KCNQ3: variants seen among roughly 807,000 people sequenced by gnomAD.
KCNQ3 encodes potassium voltage-gated channel subfamily Q member 3, also known as potassium voltage-gated channel subfamily KQT member 3.
Under a neutral mutation model 92.5 loss-of-function variants are expected in KCNQ3, and 30 were observed. The observed-to-expected ratio is 0.32, with a 90% confidence interval of 0.24 to 0.44. The LOEUF (loss-of-function observed/expected upper bound fraction) is 0.44, where lower values mean the gene tolerates loss of function less well. KCNQ3 is among the 20% of genes least tolerant of loss of function. The probability of loss-of-function intolerance (pLI) is 1.00; values close to 1 mark genes in which losing one functional copy is unlikely to be tolerated. For synonymous variants in KCNQ3, 450 were observed against 468.8 expected, an observed-to-expected ratio of 0.96 and a Z score of 0.52; for missense variants, 913 against 1,140.3, an observed-to-expected ratio of 0.80 and a Z score of 2.87.
At chr8:132,195,555 T>C (rs1765264754) in intron 1 of KCNQ3, among the ~76,000 whole-genome samples, 1 of 152,198 alleles carries the variant, frequency 6.6e-6, no homozygotes, top group African/African-American at 2.4e-5. Context: ...CCCTTCACCA[T>C]GTAGTCATCG....
At chr8:132,135,555 C>A (rs1322105053) in intron 12 of KCNQ3, among the ~76,000 whole-genome samples, 1 of 152,134 alleles carries the variant, frequency 6.6e-6, no homozygotes, top group Non-Finnish European at 1.5e-5. Context: ...TGTTCACCCT[C>A]CAGCCACAAA....
At chr8:132,255,809 C>T (rs1815565365) in intron 1 of KCNQ3, among the ~76,000 whole-genome samples, 2 of 152,184 alleles carry the variant, frequency 1.3e-5, no homozygotes. Context: ...AAAAGGAATA[C>T]AGACCTTACA....
At chr8:132,156,089 G>A (rs549793274) in intron 9 of KCNQ3, among the ~76,000 whole-genome samples, 2 of 152,002 alleles carry the variant, frequency 1.3e-5, no homozygotes, top group East Asian at 1.9e-4. Flanking sequence ...TGTGGAGAGC[G>A]ACATATTATT....
intron 1 of KCNQ3, among the ~76,000 whole-genome samples, chr8:132,443,646 C>T (rs1563914281): frequency 6.6e-6 from 1 of 152,178 alleles, no homozygotes; most frequent in Non-Finnish European, 1.5e-5. Flanking sequence ...TTTCGAAAAG[C>T]TTCATCTCAT....
intron 1 of KCNQ3, among the ~76,000 whole-genome samples, chr8:132,473,971 T>G (rs575086902): frequency 6.6e-6 from 1 of 152,318 alleles, no homozygotes; most frequent in East Asian, 1.9e-4. Flanking sequence ...TACCTCAGAA[T>G]GCAGTCAGTG....
chr8:132,407,689 C>A (rs981115285), intron 1 of KCNQ3, among the ~76,000 whole-genome samples: 2 of 152,226 alleles, frequency 1.3e-5, no homozygotes, highest in Admixed American at 1.3e-4. Context: ...ACCATCACTA[C>A]AGTATTTGGC....
intron 1 of KCNQ3, among the ~76,000 whole-genome samples, chr8:132,446,664 T>C (rs76692037): frequency 0.019 from 2,830 of 152,290 alleles, 96 homozygotes; most frequent in African/African-American, 0.065. Context: ...CATAGTTAAC[T>C]CCAGGTAATT....
At chr8:132,288,428 A>G (rs1008854087) in intron 1 of KCNQ3, among the ~76,000 whole-genome samples, 2 of 152,178 alleles carry the variant, frequency 1.3e-5, no homozygotes, top group African/African-American at 4.8e-5. Flanking sequence ...AACTTCTTCT[A>G]TATAAACATG....
At chr8:132,190,608 T>C (rs1267001731) in intron 1 of KCNQ3, among the ~76,000 whole-genome samples, 2 of 152,130 alleles carry the variant, frequency 1.3e-5, no homozygotes, top group Non-Finnish European at 2.9e-5. Flanking sequence ...TCAACAATCA[T>C]GGGATATTGG....
intron 1 of KCNQ3, among the ~76,000 whole-genome samples, chr8:132,441,314 G>A (rs1254066934): frequency 6.6e-6 from 1 of 152,218 alleles, no homozygotes; most frequent in African/African-American, 2.4e-5. Context: ...ACTTTGGGAG[G>A]CCAAGGCAGG....
intron 1 of KCNQ3, among the ~76,000 whole-genome samples, chr8:132,366,737 C>T (rs567098501): frequency 1.3e-5 from 2 of 152,248 alleles, no homozygotes; most frequent in African/African-American, 4.8e-5. Flanking sequence ...TGCTTGTTCT[C>T]TTTATATCAA....
intron 9 of KCNQ3, among the ~76,000 whole-genome samples, chr8:132,142,550 T>C (rs1158011196): frequency 6.6e-6 from 1 of 152,178 alleles, no homozygotes; most frequent in Non-Finnish European, 1.5e-5. Context: ...AAAGTCCTTT[T>C]TTGTGGTACT....
chr8:132,198,676 G>A lies in KCNQ3; in HGVS notation c.387-12495C>T, dbSNP rs191620169. The stretch of plus-strand genomic sequence containing the variant: ...ACAAAAATTAGCTGGGCATGGTGGC[G>A]GGTGCCTGCAATCCCAGCTACTTGG... On this transcript the variant is annotated intron_variant, in intron 1 of 14. Coordinates refer to ENST00000388996, the MANE Select transcript of KCNQ3 (RefSeq NM_004519.4). Among the ~76,000 whole-genome samples, 512 of 152,086 alleles carry A rather than the reference G, an allele frequency of 3.4e-3. 1 individual carries two copies. The highest frequency in any genetic ancestry group is 0.012 in the African/African-American group (485 of 41,492).
At chr8:132,372,884 G>C (rs921650542) in intron 1 of KCNQ3, among the ~76,000 whole-genome samples, 4 of 152,092 alleles carry the variant, frequency 2.6e-5, no homozygotes, top group African/African-American at 9.7e-5. Flanking sequence ...AGGCAGAAAG[G>C]CATGCAAACT....
chr8:132,431,289 A>C (rs1201616274), intron 1 of KCNQ3, among the ~76,000 whole-genome samples: 1 of 152,124 alleles, frequency 6.6e-6, no homozygotes, highest in Non-Finnish European at 1.5e-5. Flanking sequence ...GCTGCTACTC[A>C]CATCAGAATC....
chr8:132,282,564 A>G (rs1816557050), intron 1 of KCNQ3, among the ~76,000 whole-genome samples: 1 of 151,654 alleles, frequency 6.6e-6, no homozygotes, highest in Admixed American at 6.6e-5. Flanking sequence ...CCCTGGAACC[A>G]TCTTTTTGTG....
chr8:132,268,715 C>T (rs1816063856), intron 1 of KCNQ3, among the ~76,000 whole-genome samples: 1 of 152,220 alleles, frequency 6.6e-6, no homozygotes, highest in African/African-American at 2.4e-5. Flanking sequence ...TTTGTGTGAA[C>T]ATCAGTATTC....
chr8:132,384,946 T>G (rs565493081), intron 1 of KCNQ3, among the ~76,000 whole-genome samples: 1 of 152,222 alleles, frequency 6.6e-6, no homozygotes, highest in Admixed American at 6.5e-5. Context: ...CAGGTTGCAG[T>G]AGATGCTGTG....
chr8:132,421,189 A>G (rs1436575844), intron 1 of KCNQ3, among the ~76,000 whole-genome samples: 1 of 152,212 alleles, frequency 6.6e-6, no homozygotes, highest in Non-Finnish European at 1.5e-5. Context: ...TGTTCCAATT[A>G]TCTCTACATA....
Sources: allele counts gnomAD v4.1 joint callset (sites outside exome capture counted in the v4.1 genomes callset), GRCh38; gene constraint gnomAD v4.1.1; transcripts MANE v1.5; gene names NCBI Gene and HGNC (gene_info 2026-07-23, HGNC 2026-07-21).